GPR174: variants seen among roughly 807,000 people sequenced by gnomAD.
GPR174 encodes probable G protein-coupled receptor 174.
GPR174 carries 8 observed loss-of-function variants against 16.5 expected under a neutral mutation model. The ratio of observed to expected loss-of-function variants is 0.48; its 90% CI spans 0.28 to 0.87. The LOEUF (loss-of-function observed/expected upper bound fraction) is 0.87, where lower values mean the gene tolerates loss of function less well. Ranked by LOEUF, GPR174 falls within the 40% of genes least tolerant of loss-of-function variation. GPR174 has a pLI of 0.09. For missense variants in GPR174, 214 were observed against 247.5 expected, an observed-to-expected ratio of 0.86 and a Z score of 0.91; for synonymous variants, 111 against 94.8, an observed-to-expected ratio of 1.17 and a Z score of -0.99.
chrX:79,145,739 T>G (rs1926487386), intron 1 of GPR174, among the ~76,000 whole-genome samples: 1 of 112,038 alleles, frequency 8.9e-6, no homozygotes, highest in Non-Finnish European at 1.9e-5. Context: ...CATGTTCCTA[T>G]CAGCTTGTGT....
intron 2 of GPR174, among the ~76,000 whole-genome samples, chrX:79,162,789 A>G (rs1406038146): frequency 8.9e-6 from 1 of 111,948 alleles, no homozygotes; most frequent in Non-Finnish European, 1.9e-5. Context: ...AAGAGATTGA[A>G]CCATATCAGG....
chrX:79,169,830 C>T (rs180819662), intron 2 of GPR174, among the ~76,000 whole-genome samples: 1 of 111,748 alleles, frequency 8.9e-6, no homozygotes, highest in East Asian at 2.8e-4. Context: ...CTAAATGACT[C>T]CTGTAAATGG....
intron 2 of GPR174, among the ~76,000 whole-genome samples, chrX:79,169,639 T>C (rs1921460426): frequency 8.9e-6 from 1 of 111,822 alleles, no homozygotes; most frequent in South Asian, 3.8e-4. Flanking sequence ...TTCCCACACA[T>C]ATCTTTAAAG....
At chrX:79,156,690 A>G (rs1237065017) in intron 1 of GPR174, 132 bp from the exon 2 acceptor site, 1 of 111,671 alleles carries the variant, frequency 9.0e-6, no homozygotes, top group Admixed American at 9.5e-5. Context: ...ACTAAGTGTA[A>G]CTCTCTATAC....
chrX:79,152,452 G>GATCAGA (rs1926620815), intron 1 of GPR174, among the ~76,000 whole-genome samples: 2 of 111,555 alleles, frequency 1.8e-5, no homozygotes, highest in Admixed American at 9.5e-5. Flanking sequence ...GCTCAGTGTG[G>GATCAGA]TAACCATCTG....
In GPR174 at chrX:79,172,021, A is replaced by C. The variant is rs748217816; in HGVS notation, c.*12A>C. 4 of 1,170,291 alleles carry C rather than the reference A, an allele frequency of 3.4e-6. No individual in the cohort carries two copies. Among genetic ancestry groups the C allele is most frequent in the Non-Finnish European group, 4.6e-6 (4 of 875,379 alleles). On this transcript the variant is annotated 3_prime_UTR_variant, in exon 3 of 3. Coordinates refer to ENST00000645147, the MANE Select transcript of GPR174 (RefSeq NM_032553.3). Reference sequence around the variant, plus strand: ...CTGAATTATGCTAAAACAAAAAACCAAACTGAATGTGACCTGAAATGCAAG... The same window carrying C: ...CTGAATTATGCTAAAACAAAAAACCCAACTGAATGTGACCTGAAATGCAAG...
rs1921497283 is a variant in GPR174 at position 79,170,921 on chromosome X, C to T, written c.-87C>T. 4.9e-6 allele frequency: 4 copies of T among 819,383 alleles called. No homozygotes were observed. In the South Asian group the frequency reaches 7.8e-5, roughly 16 times the overall value. The allele number at this position is 819,383 out of a possible 1,213,427, so 67.5% of individuals were successfully genotyped here. On this transcript the variant is annotated 5_prime_UTR_variant, in exon 3 of 3. Transcript: ENST00000645147. ...ATACTTCGTATCTCCAACCCACTGG[C>T]AATCAATCTTTTGGAAGGAACAGCA...
rs1180945690 is a variant in GPR174 at position 79,174,852 on chromosome X, T to C, written c.*2843T>C. 2.7e-5 allele frequency: 3 copies of C among 111,395 alleles called. No individual in the cohort carries two copies. Among genetic ancestry groups the C allele is most frequent in the African/African-American group, 9.8e-5 (3 of 30,659 alleles). The allele number at this position is 111,395 out of a possible 1,213,427, so 9.2% of individuals were successfully genotyped here. A position where few individuals can be genotyped will look rare whatever the true frequency, so the allele number is the denominator to read the frequency against. ...TCCAGACTTCTCATTTATCACTCTCTGGGTTCTATGAAATTGTGGTGCAAA... is the reference window on the plus strand; with the variant it reads ...TCCAGACTTCTCATTTATCACTCTCCGGGTTCTATGAAATTGTGGTGCAAA... On this transcript the variant is annotated 3_prime_UTR_variant, in exon 3 of 3. Transcript: ENST00000645147.
chrX:79,158,849 G>T (rs1921165514), intron 2 of GPR174, among the ~76,000 whole-genome samples: 1 of 107,516 alleles, frequency 9.3e-6, no homozygotes, highest in Non-Finnish European at 1.9e-5. Flanking sequence ...GGTGACTATG[G>T]TCAATAACTT....
intron 2 of GPR174, 134 bp from the exon 3 acceptor site, chrX:79,170,318 G>A (rs771741020): frequency 2.6e-4 from 29 of 110,343 alleles, no homozygotes; most frequent in African/African-American, 8.2e-4. Context: ...GTGCCTTGTA[G>A]AAACTGCAGC....
At position 79,170,730 on chromosome X, in the gene GPR174, A is replaced by C. The variant is rs1921490727; in HGVS notation, c.-278A>C. 3.1e-6 allele frequency: 1 copy of C among 323,148 alleles called. No homozygotes were observed. The highest frequency in any genetic ancestry group is 5.6e-5 in the Admixed American group (1 of 17,722). The allele number at this position is 323,148 out of a possible 1,213,427, so 26.6% of individuals were successfully genotyped here. On this transcript the variant is annotated 5_prime_UTR_variant, in exon 3 of 3. The change abolishes the stop of an existing upstream ORF in the 5' untranslated region. Coordinates refer to ENST00000645147, the MANE Select transcript of GPR174 (RefSeq NM_032553.3). The stretch of plus-strand genomic sequence containing the variant: ...ATGATGTCCCAGAGGGCCTTAAAAT[A>C]AACAAGAGGGGAAATTGTAACAGCT...
intron 2 of GPR174, among the ~76,000 whole-genome samples, chrX:79,159,384 A>G (rs1186896930): frequency 8.9e-6 from 1 of 112,563 alleles, no homozygotes; most frequent in African/African-American, 3.2e-5. Context: ...TTTCCTGGAT[A>G]CATTAGATAG....
chrX:79,152,158 G>A (rs894313057), intron 1 of GPR174, among the ~76,000 whole-genome samples: 1 of 111,348 alleles, frequency 9.0e-6, no homozygotes, highest in African/African-American at 3.3e-5. Context: ...CTCCTAAACA[G>A]GTCTGCAACA....
intron 2 of GPR174, among the ~76,000 whole-genome samples, chrX:79,158,175 C>CT (rs367923879): frequency 0.08 from 7,828 of 97,413 alleles, 325 homozygotes; most frequent in South Asian, 0.17. Flanking sequence ...GTTTTCTTTT[C>CT]TTTTTTTTTT....
rs777870727 is a variant in GPR174, at chrX:79,172,012, C to CA, written c.*9dup. On this transcript the variant is annotated 3_prime_UTR_variant, in exon 3 of 3. Transcript: ENST00000645147. ...CCATGACACCTGAATTATGCTAAAA[C>CA]AAAAAACCAAACTGAATGTGACCTG... 8.5e-7 allele frequency: 1 copy of CA among 1,174,882 alleles called. No individual in the cohort carries two copies. The highest frequency in any genetic ancestry group is 1.1e-6 in the Non-Finnish European group (1 of 877,587).
At chrX:79,151,878 T>C (rs1262286635) in intron 1 of GPR174, among the ~76,000 whole-genome samples, 1 of 112,001 alleles carries the variant, frequency 8.9e-6, no homozygotes, top group Non-Finnish European at 1.9e-5. Context: ...AAAAGAGATT[T>C]AGGAAGAAGG....
Position 79,156,899 on chromosome X carries a change from A to G in GPR174, c.-576A>G, listed in dbSNP as rs762300248. The G allele has an allele frequency of 1.8e-5, 2 of 112,243 alleles. No homozygotes were observed. Among genetic ancestry groups the G allele is most frequent in the South Asian group, 7.3e-4 (2 of 2,723 alleles). 9.3% of individuals were successfully genotyped at this position (112,243 alleles called of 1,213,427 possible). On this transcript the variant is annotated 5_prime_UTR_variant, in exon 2 of 3. Coordinates refer to ENST00000645147, the MANE Select transcript of GPR174 (RefSeq NM_032553.3). ...ATTGCTCTGATCAAGAAGTTCCATC[A>G]GCACCGAAGAAAACAGCAGGTAGTC...
chrX:79,150,784 G>A (rs906289103), intron 1 of GPR174, among the ~76,000 whole-genome samples: 1 of 111,652 alleles, frequency 9.0e-6, no homozygotes, highest in Non-Finnish European at 1.9e-5. Flanking sequence ...TTTCTTCATG[G>A]GGAATTCTGA....
chrX:79,158,078 G>A (rs1205056374), intron 2 of GPR174, among the ~76,000 whole-genome samples: 2 of 104,181 alleles, frequency 1.9e-5, no homozygotes, highest in Non-Finnish European at 4.0e-5. Context: ...TTAATATAGG[G>A]AATGGCAAAA....
Sources: allele counts gnomAD v4.1 joint callset (sites outside exome capture counted in the v4.1 genomes callset), GRCh38; gene constraint gnomAD v4.1.1; transcripts MANE v1.5; gene names NCBI Gene and HGNC (gene_info 2026-07-23, HGNC 2026-07-21).